Variants in ANKRD54 observed in about 807,000 individuals in gnomAD.
ANKRD54 encodes ankyrin repeat domain 54.
A neutral mutation model predicts 36.2 loss-of-function variants in ANKRD54; 26 were observed. That is an observed-to-expected ratio of 0.72 (90% CI 0.53 to 1.00). ANKRD54 has a LOEUF of 1.00. ANKRD54 is among the 50% of genes least tolerant of loss of function. ANKRD54 has a pLI of 0.00. For missense variants in ANKRD54, 384 were observed against 424.3 expected (o/e 0.91, Z 0.83); for synonymous variants, 209 against 188.4 (o/e 1.11, Z -0.89).
chr22:37,834,552 C>T (rs1445553066), intron 3 of ANKRD54: 4 of 151,328 alleles, frequency 2.6e-5, no homozygotes, highest in African/African-American at 9.7e-5. Flanking sequence ...CAAAAATTAG[C>T]TGGGCATAGT....
rs754400108 is a variant in ANKRD54 at position 37,844,143 on chromosome 22, G to A, written c.96C>T (p.Asp32=). The A allele has an allele frequency of 2.0e-6, 3 of 1,496,862 alleles. No homozygotes were observed. The highest frequency in any genetic ancestry group is 2.5e-5 in the South Asian group (2 of 79,966). The allele number at this position is 1,496,862 out of a possible 1,614,324, so 92.7% of individuals were successfully genotyped here. A position where few individuals can be genotyped will look rare whatever the true frequency, so the allele number is the denominator to read the frequency against. ...CAGCGAAGGAGAAGAGGCCCTCAGC[G>A]TCAGTCAGCGGCTCCGGCGCCACCG... is the stretch of plus-strand genomic sequence containing the variant. ...ECAVAPEPLT[D]AEGLFSFADF... Residue 32 remains aspartate (D), a synonymous_variant, in exon 1 of 8, where the codon GAC becomes GAT. Coordinates refer to ENST00000215941, the MANE Select transcript of ANKRD54 (RefSeq NM_138797.4).
chr22:37,834,012 A>G (rs981632737), intron 3 of ANKRD54: 1 of 429,962 alleles, frequency 2.3e-6, no homozygotes. Flanking sequence ...TGAAGGGTTA[A>G]GTAAAGTTCT....
intron 3 of ANKRD54, among the ~76,000 whole-genome samples, chr22:37,835,281 G>T (rs747115260): frequency 9.9e-5 from 15 of 152,076 alleles, no homozygotes; most frequent in Non-Finnish European, 1.9e-4. Context: ...AGAATAGCTT[G>T]AACCTGGGGA....
chr22:37,846,533 C>T (rs934484910), upstream of ANKRD54, among the ~76,000 whole-genome samples: 1 of 152,106 alleles, frequency 6.6e-6, no homozygotes, highest in Non-Finnish European at 1.5e-5. Context: ...TTGAACTCCT[C>T]GCCTCAAGGG....
chr22:37,841,557 C>CACAA (rs549337524), intron 1 of ANKRD54, among the ~76,000 whole-genome samples: 4,329 of 148,584 alleles, frequency 0.029, 132 homozygotes, highest in Non-Finnish European at 0.048. Flanking sequence ...CACACACACA[C>CACAA]AAAAAACATA....
chr22:37,847,010 C>T (rs1336614958), upstream of ANKRD54, among the ~76,000 whole-genome samples: 2 of 149,322 alleles, frequency 1.3e-5, no homozygotes, highest in Non-Finnish European at 3.0e-5. Flanking sequence ...CCCGCCACTA[C>T]GCCCGGCTAA....
upstream of ANKRD54, among the ~76,000 whole-genome samples, chr22:37,847,090 T>G (rs1924879296): frequency 6.6e-6 from 1 of 151,358 alleles, no homozygotes; most frequent in Non-Finnish European, 1.5e-5. Flanking sequence ...CCTGACCTCA[T>G]GATCCACCCG....
Position 37,837,405 on chromosome 22 carries a change from T to G in ANKRD54, c.475+1095A>C, listed in dbSNP as rs548309152. On this transcript the variant is annotated intron_variant, in intron 3 of 7. Transcript: ENST00000215941. ...AGCTAAAACCTGGAAACACCACAAA[T>G]GTCCGTCAATAGTAGAATGGATAAA... Among the ~76,000 whole-genome samples, 9 of 152,308 alleles carry G rather than the reference T, an allele frequency of 5.9e-5. No individual in the cohort carries two copies. In the South Asian group the frequency reaches 1.9e-3, roughly 32 times the overall value.
chr22:37,841,026 G>A (rs751373347), intron 1 of ANKRD54, among the ~76,000 whole-genome samples: 1 of 150,156 alleles, frequency 6.7e-6, no homozygotes, highest in East Asian at 2.0e-4. Flanking sequence ...AGGCTACAGT[G>A]AGATGAGATC....
rs1381149758 is a variant in ANKRD54 at position 37,838,544 on chromosome 22, C to T, written c.431G>A (p.Arg144His). 24 of 1,611,100 alleles carry T rather than the reference C, an allele frequency of 1.5e-5. No individual in the cohort carries two copies. Among genetic ancestry groups the T allele is most frequent in the East Asian group, 2.2e-5 (1 of 44,752 alleles). The change falls in exon 3 of 8, where the codon CGC becomes CAC. Residue 144 changes from arginine to histidine, a missense_variant. Arg to His is a conservative substitution (Grantham distance 29). Transcript: ENST00000215941. Reference protein sequence around the residue: ...ADPCAADDKGRTALHFASCNG... With the variant: ...ADPCAADDKGHTALHFASCNG... ...GCATGAGGCAAAGTGTAGAGCTGTGCGGCCCTTGTCATCAGCTGCACAGGG... is the reference window on the plus strand; with the variant it reads ...GCATGAGGCAAAGTGTAGAGCTGTGTGGCCCTTGTCATCAGCTGCACAGGG...
At chr22:37,840,880 C>A (rs1924149253) in intron 1 of ANKRD54, among the ~76,000 whole-genome samples, 1 of 151,650 alleles carries the variant, frequency 6.6e-6, no homozygotes, top group Non-Finnish European at 1.5e-5. Flanking sequence ...GAGTGAGACG[C>A]TGTCTCAGAA....
At chr22:37,848,309 T>A (rs968246760), upstream of ANKRD54, 3 of 152,256 alleles carry the variant, frequency 2.0e-5, no homozygotes, top group Non-Finnish European at 4.4e-5. Context: ...GCTGGCCTCA[T>A]CTTTGCCTGC....
chr22:37,839,213 T>C (rs1205536122), intron 2 of ANKRD54, among the ~76,000 whole-genome samples: 1 of 151,922 alleles, frequency 6.6e-6, no homozygotes, highest in African/African-American at 2.4e-5. Context: ...TTATGCAGGC[T>C]ACAGCATGTG....
upstream of ANKRD54, among the ~76,000 whole-genome samples, chr22:37,847,187 A>G (rs1924886830): frequency 7.4e-6 from 1 of 135,686 alleles, no homozygotes; most frequent in Non-Finnish European, 1.6e-5. Context: ...TTTTTGAGGC[A>G]GTTTTGCTCT....
chr22:37,833,309 A>C, intron 4 of ANKRD54, 103 bp from the exon 5 acceptor site: 1 of 1,422,020 alleles, frequency 7.0e-7, no homozygotes, highest in Non-Finnish European at 9.7e-7. Flanking sequence ...GCCTGTGCCA[A>C]GTTATGCCTA....
chr22:37,844,043 G>T lies in ANKRD54; in HGVS notation c.196C>A (p.Arg66Ser), dbSNP rs1013389876. ...RASGGAQSPL[R>S]YLHVLWQQDA... ...TGCTGCCACAGGACGTGCAAGTAGC[G>T]CAGCGGCGACTGGGCCCCGCCGGAC... Residue 66 changes from arginine to serine, a missense_variant, in exon 1 of 8, where the codon CGC (arginine) becomes AGC (serine). Transcript: ENST00000215941. 2.8e-6 allele frequency: 4 copies of T among 1,437,868 alleles called. No individual in the cohort carries two copies. The highest frequency in any genetic ancestry group is 2.9e-5 in the Admixed American group (1 of 34,040). The allele number at this position is 1,437,868 out of a possible 1,614,324, so 89.1% of individuals were successfully genotyped here. A position where few individuals can be genotyped will look rare whatever the true frequency, so the allele number is the denominator to read the frequency against.
rs1043353630 is a variant in ANKRD54, at chr22:37,838,114, G to A, written c.475+386C>T. On this transcript the variant is annotated intron_variant, in intron 3 of 7. Transcript: ENST00000215941. The stretch of plus-strand genomic sequence containing the variant: ...GGCACCACTGCACTCCAGCCTGGGC[G>A]ACAGAGCGAGACTCCATCTCAAAAA... Among the ~76,000 whole-genome samples the A allele has an allele frequency of 2.3e-4, 35 of 151,312 alleles. 1 individual carries two copies. The highest frequency in any genetic ancestry group is 1.4e-3 in the Admixed American group (21 of 15,158).
intron 7 of ANKRD54, 58 bp downstream of exon 7, chr22:37,832,579 T>TGGACTGGCCCTGAGGCTCC (rs1397130835): frequency 6.6e-7 from 1 of 1,516,382 alleles, no homozygotes; most frequent in African/African-American, 1.4e-5. Flanking sequence ...CGGAGCAGGG[T>TGGACTGGCCCTGAGGCTCC]GGACTGGCCC....
intron 1 of ANKRD54, among the ~76,000 whole-genome samples, chr22:37,842,298 T>A (rs1309577243): frequency 6.6e-6 from 1 of 152,138 alleles, no homozygotes; most frequent in Non-Finnish European, 1.5e-5. Context: ...AAGGAGAAAC[T>A]TGAAATGAGG....
Sources: allele counts gnomAD v4.1 joint callset (sites outside exome capture counted in the v4.1 genomes callset), GRCh38; gene constraint gnomAD v4.1.1; transcripts MANE v1.5; gene names NCBI Gene and HGNC (gene_info 2026-07-23, HGNC 2026-07-21).